The following C1orf185 variants were observed in gnomAD, a reference collection of about 807,000 sequenced individuals.
The protein encoded by C1orf185 is uncharacterized protein C1orf185.
Under a neutral mutation model 16.1 loss-of-function variants are expected in C1orf185, and 13 were observed. The observed-to-expected ratio is 0.81, with a 90% CI of 0.53 to 1.28. C1orf185 has a LOEUF of 1.28. Ranked by LOEUF, C1orf185 falls within the 50% of genes most tolerant of loss-of-function variation. C1orf185 has a pLI of 0.00. For missense variants in C1orf185, 220 were observed against 225.2 expected (o/e 0.98, Z 0.15); for synonymous variants, 80 against 76.9 (o/e 1.04, Z -0.21).
chr1:51,118,466 T>G (rs1646173547), intron 2 of C1orf185, among the ~76,000 whole-genome samples, 200 bp from the exon 3 acceptor site: 1 of 152,222 alleles, frequency 6.6e-6, no homozygotes, highest in South Asian at 2.1e-4. Flanking sequence ...TTAATTTATA[T>G]TCTATGAATA....
intron 1 of C1orf185, among the ~76,000 whole-genome samples, chr1:51,111,830 T>A (rs1431492582): frequency 6.6e-6 from 1 of 152,146 alleles, no homozygotes; most frequent in Non-Finnish European, 1.5e-5. Flanking sequence ...CCTGGTTAAT[T>A]GTTTTTTAAC....
At chr1:51,123,820 C>G (rs77782444) in intron 3 of C1orf185, among the ~76,000 whole-genome samples, 4,984 of 151,598 alleles carry the variant, frequency 0.033, 134 homozygotes, top group Non-Finnish European at 0.05. Flanking sequence ...GGTGTCTGTT[C>G]GATCTTTCAT....
intron 3 of C1orf185, among the ~76,000 whole-genome samples, chr1:51,126,972 G>A (rs1646244721): frequency 6.6e-6 from 1 of 151,064 alleles, no homozygotes; most frequent in African/African-American, 2.4e-5. Context: ...TCCCTCAATT[G>A]GGGTTTGTTT....
At chr1:51,111,590 G>C (rs1434680376) in intron 1 of C1orf185, among the ~76,000 whole-genome samples, 1 of 151,834 alleles carries the variant, frequency 6.6e-6, no homozygotes. Flanking sequence ...TGCTATCTCG[G>C]TTTACGACAA....
intron 3 of C1orf185, among the ~76,000 whole-genome samples, chr1:51,136,698 C>T (rs749533556): frequency 2.0e-5 from 3 of 152,106 alleles, no homozygotes; most frequent in Non-Finnish European, 4.4e-5. Flanking sequence ...ACTGGCTAAC[C>T]ATATGCAGAA....
At position 51,118,683 on chromosome 1, in the gene C1orf185, C is replaced by G; in HGVS notation, c.140C>G (p.Ser47Cys). 7.1e-7 allele frequency: 1 copy of G among 1,408,598 alleles called. No homozygotes were observed. Among genetic ancestry groups the G allele is most frequent in the Non-Finnish European group, 9.4e-7 (1 of 1,063,810 alleles). The allele number at this position is 1,408,598 out of a possible 1,614,324, so 87.3% of individuals were successfully genotyped here. A position where few individuals can be genotyped will look rare whatever the true frequency, so the allele number is the denominator to read the frequency against. Residue 47 changes from serine to cysteine, a missense_variant, in exon 3 of 5, where the codon TCC becomes TGC. Coordinates refer to ENST00000371759, the MANE Select transcript of C1orf185 (RefSeq NM_001136508.2). ...ICKRREIFQN[S>C]KFKAIDERCR... ...TTTTTCAGAGAAATATTTCAAAATT[C>G]CAAATTTAAAGCAATTGATGAGAGA...
chr1:51,151,458 A>G (rs1310953041), downstream of C1orf185, among the ~76,000 whole-genome samples: 3 of 151,986 alleles, frequency 2.0e-5, no homozygotes, highest in East Asian at 5.8e-4. Context: ...AGATCTTTTG[A>G]AAAAAAAGTA....
chr1:51,136,267 A>G (rs1313987198), intron 3 of C1orf185, among the ~76,000 whole-genome samples: 1 of 152,086 alleles, frequency 6.6e-6, no homozygotes, highest in East Asian at 1.9e-4. Context: ...TATTCCTATT[A>G]AACTATTATT....
At chr1:51,120,857 G>A (rs930550234) in intron 3 of C1orf185, among the ~76,000 whole-genome samples, 5 of 152,078 alleles carry the variant, frequency 3.3e-5, no homozygotes, top group African/African-American at 7.2e-5. Flanking sequence ...TAGGTCACTG[G>A]GAATTTGGAG....
At chr1:51,118,633 G>T in intron 2 of C1orf185, 33 bp from the exon 3 acceptor site, 1 of 1,216,620 alleles carries the variant, frequency 8.2e-7, no homozygotes, top group South Asian at 2.1e-5. Context: ...TCTAACTCAG[G>T]TTTAATAATA....
intron 1 of C1orf185, among the ~76,000 whole-genome samples, chr1:51,106,123 G>A (rs947191141): frequency 5.9e-5 from 9 of 152,008 alleles, no homozygotes; most frequent in Non-Finnish European, 1.2e-4. Flanking sequence ...AGCTAAGTGG[G>A]CTATAAACAC....
At chr1:51,104,992 T>C (rs1331865026) in intron 1 of C1orf185, among the ~76,000 whole-genome samples, 2 of 151,422 alleles carry the variant, frequency 1.3e-5, no homozygotes, top group Non-Finnish European at 1.5e-5. Context: ...TGAGATGGAG[T>C]CTTGCTCTGT....
chr1:51,139,292 G>A (rs1470380352), intron 3 of C1orf185, among the ~76,000 whole-genome samples: 1 of 151,770 alleles, frequency 6.6e-6, no homozygotes, highest in African/African-American at 2.4e-5. Flanking sequence ...TAGTAGAGAC[G>A]GGCTTTCACC....
chr1:51,109,386 T>C (rs570212599), intron 1 of C1orf185, among the ~76,000 whole-genome samples: 10 of 152,352 alleles, frequency 6.6e-5, no homozygotes, highest in Admixed American at 6.5e-4. Context: ...GTTGGTTGTT[T>C]CCTTTGCTGT....
downstream of C1orf185, among the ~76,000 whole-genome samples, chr1:51,149,425 A>G (rs1156629786): frequency 1.3e-5 from 2 of 152,216 alleles, no homozygotes; most frequent in Non-Finnish European, 2.9e-5. Context: ...ACAGCGTGCT[A>G]TGGGTTCTAG....
At chr1:51,145,307 A>AAATAATAGTAATAAT (rs1646391697) in intron 3 of C1orf185, among the ~76,000 whole-genome samples, 1 of 150,526 alleles carries the variant, frequency 6.6e-6, no homozygotes, top group Non-Finnish European at 1.5e-5. Flanking sequence ...CCTGTCTCTA[A>AAATAATAGTAATAAT]AATAATAATA....
At chr1:51,120,430 G>A (rs1646189838) in intron 3 of C1orf185, among the ~76,000 whole-genome samples, 1 of 152,172 alleles carries the variant, frequency 6.6e-6, no homozygotes, top group Non-Finnish European at 1.5e-5. Flanking sequence ...CCTCCGTAGA[G>A]TTGTTGTGGG....
At chr1:51,125,623 T>G (rs959750245) in intron 3 of C1orf185, among the ~76,000 whole-genome samples, 35 of 152,192 alleles carry the variant, frequency 2.3e-4, no homozygotes, top group African/African-American at 8.0e-4. Context: ...GCATTCTGTC[T>G]GACATGCATA....
chr1:51,134,824 A>G (rs1646311537), intron 3 of C1orf185, among the ~76,000 whole-genome samples: 1 of 152,220 alleles, frequency 6.6e-6, no homozygotes, highest in Admixed American at 6.5e-5. Flanking sequence ...TGAACAGACC[A>G]ATAATAAGTT....
Sources: gnomAD v4.1 joint callset for allele counts (sites outside exome capture counted in the v4.1 genomes callset) on GRCh38, gnomAD v4.1.1 for gene constraint, MANE v1.5 for transcripts, NCBI Gene and HGNC (gene_info 2026-07-23, HGNC 2026-07-21) for gene names.